BAZ2A: variants seen among roughly 807,000 people sequenced by gnomAD.
BAZ2A encodes the protein bromodomain adjacent to zinc finger domain 2A, also known as bromodomain adjacent to zinc finger domain protein 2A.
BAZ2A carries 34 observed loss-of-function variants against 199.9 expected under a neutral mutation model. The observed-to-expected ratio is 0.17, with a 90% CI of 0.13 to 0.23. The LOEUF (loss-of-function observed/expected upper bound fraction) is 0.23. Among genes scored for constraint, BAZ2A ranks in the 10% least tolerant of loss-of-function variants. The pLI is 1.00. For missense variants in BAZ2A, 2,002 were observed against 2,391.1 expected (o/e 0.84, Z 3.39); for synonymous variants, 857 against 883.9 (o/e 0.97, Z 0.54).
In BAZ2A at chr12:56,595,797, C is replaced by A. The variant is rs2136656348; in HGVS notation, c.*2821G>T. ...CAGGAGCACTAATGACCCTTTCCAT[C>A]CACACAGAGGGTATGGAACAGGAGC... On this transcript the variant is annotated 3_prime_UTR_variant, in exon 29 of 29. Transcript: ENST00000549884. The A allele has an allele frequency of 6.5e-6, 1 of 152,732 alleles. No homozygotes were observed. Among genetic ancestry groups the A allele is most frequent in the East Asian group, 1.9e-4 (1 of 5,172 alleles). 9.5% of individuals were successfully genotyped at this position (152,732 alleles called of 1,614,324 possible).
chr12:56,625,620 G>A (rs1951063914), intron 1 of BAZ2A, among the ~76,000 whole-genome samples: 1 of 152,038 alleles, frequency 6.6e-6, no homozygotes, highest in South Asian at 2.1e-4. Context: ...GCTCACGCCT[G>A]TAATCCCAGC....
chr12:56,630,709 A>C, upstream of BAZ2A: 4 of 903,044 alleles, frequency 4.4e-6, no homozygotes, highest in Non-Finnish European at 5.3e-6. Flanking sequence ...GGAAATAGAA[A>C]GGTTAGTCAC....
intron 1 of BAZ2A, 95 bp from the exon 2 acceptor site, chr12:56,617,627 C>A (rs1565828836): frequency 3.0e-6 from 4 of 1,331,772 alleles, no homozygotes; most frequent in Non-Finnish European, 2.0e-6. Flanking sequence ...CTCCCCTCCA[C>A]CTACTTACCC....
chr12:56,614,110 A>G lies in BAZ2A; in HGVS notation c.759T>C (p.Ser253=). Residue 253 remains serine (S), a synonymous_variant, in exon 4 of 29, where the codon TCT becomes TCC. Transcript: ENST00000549884. ...PELKMCGYNG[S]VPSVESLHQE... ...GGTGTAACGATTCCACAGAAGGGAC[A>G]GAGCCATTGTAGCCACACATCTTCA... The G allele has an allele frequency of 6.2e-7, 1 of 1,614,020 alleles. No homozygotes were observed.
upstream of BAZ2A, among the ~76,000 whole-genome samples, chr12:56,637,517 G>C (rs1159632585): frequency 6.6e-6 from 1 of 152,128 alleles, no homozygotes. Context: ...ATTTAGGCTT[G>C]CCCAAAATGT....
intron 1 of BAZ2A, among the ~76,000 whole-genome samples, chr12:56,619,230 A>G (rs1001508682): frequency 6.6e-6 from 1 of 152,050 alleles, no homozygotes; most frequent in Non-Finnish European, 1.5e-5. Context: ...CTGTAATCCC[A>G]GCTGCTCGGG....
At chr12:56,605,744 G>T in intron 13 of BAZ2A, 86 bp downstream of exon 13, 2 of 1,346,702 alleles carry the variant, frequency 1.5e-6, no homozygotes, top group Non-Finnish European at 2.0e-6. Flanking sequence ...TAATGGAAAT[G>T]TCTCTCCCAT....
Position 56,600,945 on chromosome 12 carries a change from G to A in BAZ2A, c.4448C>T (p.Ala1483Val). ...GCTGGGTGTAGGAATGTATTTACCA[G>A]CTGAGGGCCGCAGGCAGACTTCCTG... ...FLQEVCLRPS[A>V]DPIFEPRQLP... Residue 1483 changes from alanine (A) to valine (V), a missense_variant and splice_region_variant, in exon 22 of 29, where the codon GCT (alanine) becomes GTT (valine). Physicochemically the swap from Ala to Val is moderately conservative, Grantham distance 64. Coordinates refer to ENST00000549884, the MANE Select transcript of BAZ2A (RefSeq NM_001300905.2). 1 of 1,613,786 alleles carries A rather than the reference G, an allele frequency of 6.2e-7. No homozygotes were observed. The highest frequency in any genetic ancestry group is 8.5e-7 in the Non-Finnish European group (1 of 1,179,760).
upstream of BAZ2A, chr12:56,636,734 CCA>C (rs1951455580): frequency 6.5e-6 from 1 of 153,984 alleles, no homozygotes; most frequent in Non-Finnish European, 1.5e-5. Context: ...CTTACCCACT[CCA>C]GAGTCAGGAC....
rs1183266386 is a variant in BAZ2A at position 56,614,057 on chromosome 12, G to A, written c.812C>T (p.Pro271Leu). The A allele has an allele frequency of 6.2e-7, 1 of 1,613,978 alleles. No homozygotes were observed. The highest frequency in any genetic ancestry group is 8.5e-7 in the Non-Finnish European group (1 of 1,179,860). ...HQEVSVLVPDPTVSCLDDPSH... is the reference protein window; with the variant it reads ...HQEVSVLVPDLTVSCLDDPSH... ...AGGATCATCTAAACAGCTCACTGTG[G>A]GGTCAGGGACCAGGACTGAGACCTC... The change falls in exon 4 of 29, where the codon CCC (proline) becomes CTC (leucine). Residue 271 changes from proline to leucine, a missense_variant. Pro to Leu is a moderately conservative substitution (Grantham distance 98). Transcript: ENST00000549884.
chr12:56,619,071 C>T (rs543273986), intron 1 of BAZ2A, among the ~76,000 whole-genome samples: 3 of 152,018 alleles, frequency 2.0e-5, no homozygotes, highest in Admixed American at 1.3e-4. Flanking sequence ...AGGCCAGGCA[C>T]GGTGGCTCAC....
At position 56,599,286 on chromosome 12, in the gene BAZ2A, G is replaced by A; in HGVS notation, c.5245C>T (p.Leu1749=). The A allele has an allele frequency of 6.2e-7, 1 of 1,613,574 alleles. No individual in the cohort carries two copies. Among genetic ancestry groups the A allele is most frequent in the Non-Finnish European group, 8.5e-7 (1 of 1,179,846 alleles). ...CGGCCATCACCCTCTGAGAAGTTCA[G>A]CGAATAACCACTTTTCCGCTTCTGG... is the stretch of plus-strand genomic sequence containing the variant. The part of the protein sequence containing the change: ...RGQKRKSGYS[L]NFSEGDGRRR... The change falls in exon 27 of 29, where the codon CTG becomes TTG. Residue 1749 remains leucine, a synonymous_variant. Transcript: ENST00000549884.
At chr12:56,633,851 C>T (rs753984969), upstream of BAZ2A, among the ~76,000 whole-genome samples, 3 of 152,124 alleles carry the variant, frequency 2.0e-5, no homozygotes, top group Non-Finnish European at 4.4e-5. Context: ...CTGCCAGGTT[C>T]AAGCGATAGT....
upstream of BAZ2A, among the ~76,000 whole-genome samples, chr12:56,637,526 G>T (rs67988934): frequency 0.073 from 11,041 of 152,272 alleles, 509 homozygotes; most frequent in Non-Finnish European, 0.1. Context: ...TGCCCAAAAT[G>T]TCAGGAAGTA....
upstream of BAZ2A, among the ~76,000 whole-genome samples, chr12:56,636,977 G>C (rs1277298703): frequency 6.6e-6 from 1 of 152,144 alleles, no homozygotes; most frequent in Admixed American, 6.5e-5. Flanking sequence ...CCAACCTTCA[G>C]CCCCCAGGGG....
intron 1 of BAZ2A, among the ~76,000 whole-genome samples, chr12:56,628,177 C>CAAAAA (rs57372528): frequency 3.6e-3 from 101 of 28,210 alleles, no homozygotes; most frequent in Middle Eastern, 0.036. Flanking sequence ...AACTCCGTCT[C>CAAAAA]AAAAAAAAAA....
chr12:56,631,780 G>C (rs1328226970), upstream of BAZ2A, among the ~76,000 whole-genome samples: 4 of 152,180 alleles, frequency 2.6e-5, no homozygotes, highest in Non-Finnish European at 4.4e-5. Context: ...CTGGGGGTCT[G>C]AGGAGGAAAG....
At chr12:56,631,005 G>C (rs1468078420), upstream of BAZ2A, 1 of 431,076 alleles carries the variant, frequency 2.3e-6, no homozygotes, top group African/African-American at 2.2e-5. Context: ...CCATTCTATG[G>C]TTCTGGGAAT....
At chr12:56,611,070 C>G (rs773354029) in intron 7 of BAZ2A, among the ~76,000 whole-genome samples, 2 of 152,118 alleles carry the variant, frequency 1.3e-5, no homozygotes, top group Non-Finnish European at 2.9e-5. Flanking sequence ...CCACAAGTAG[C>G]CTTGAGGGGC....
Sources: allele counts gnomAD v4.1 joint callset (sites outside exome capture counted in the v4.1 genomes callset), GRCh38; gene constraint gnomAD v4.1.1; transcripts MANE v1.5; gene names NCBI Gene and HGNC (gene_info 2026-07-23, HGNC 2026-07-21).